TNFAIP8L3: variants seen among roughly 807,000 people sequenced by gnomAD.
TNFAIP8L3 encodes the protein tumor necrosis factor alpha-induced protein 8-like protein 3.
A neutral mutation model predicts 11.8 loss-of-function variants in TNFAIP8L3; 7 were observed. The observed-to-expected ratio is 0.59, with a 90% CI of 0.34 to 1.11. The LOEUF (loss-of-function observed/expected upper bound fraction) is 1.11. Ranked by LOEUF, TNFAIP8L3 falls within the 50% of genes most tolerant of loss-of-function variation. The pLI, the probability that TNFAIP8L3 is intolerant of heterozygous loss-of-function variation, is 0.03. For missense variants in TNFAIP8L3, 219 were observed against 258.6 expected (o/e 0.85, Z 1.05); for synonymous variants, 98 against 103.8 (o/e 0.94, Z 0.34).
At chr15:51,064,659 GT>G (rs1294437099) in intron 1 of TNFAIP8L3, 1 of 152,174 alleles carries the variant, frequency 6.6e-6, no homozygotes, top group African/African-American at 2.4e-5. Context: ...CATACATAAT[GT>G]TACAAATGAT....
At chr15:51,105,001 T>C in intron 1 of TNFAIP8L3, 1 of 1,614,180 alleles carries the variant, frequency 6.2e-7, no homozygotes, top group Non-Finnish European at 8.5e-7. Context: ...GAGCCAGTGC[T>C]GACCAAGTCC....
chr15:51,104,053 C>T (rs1480925872), intron 1 of TNFAIP8L3, among the ~76,000 whole-genome samples: 2 of 152,170 alleles, frequency 1.3e-5, no homozygotes, highest in East Asian at 3.9e-4. Flanking sequence ...GTCTTTCCAA[C>T]AATCACATCT....
chr15:51,093,534 C>T (rs1448818538), intron 1 of TNFAIP8L3, among the ~76,000 whole-genome samples: 1 of 152,182 alleles, frequency 6.6e-6, no homozygotes, highest in Non-Finnish European at 1.5e-5. Context: ...TTACTTGGTC[C>T]CCACCGTCAG....
chr15:51,077,020 G>A lies in TNFAIP8L3; in HGVS notation c.52+17524C>T, dbSNP rs73408564. On this transcript the variant is annotated intron_variant, in intron 1 of 1. Coordinates refer to ENST00000637513, the MANE Select transcript of TNFAIP8L3 (RefSeq NM_001311175.2). ...CCCCATTCTACTCCCGCCATTCTTC[G>A]TAAATGGAATCCTCCTGCTTCTTTC... Among the ~76,000 whole-genome samples the A allele has an allele frequency of 1.9e-3, 282 of 152,206 alleles. 2 individuals are homozygous for A. Among genetic ancestry groups the A allele is most frequent in the African/African-American group, 6.0e-3 (248 of 41,528 alleles).
At chr15:51,071,679 A>ACACACAACAGT in intron 1 of TNFAIP8L3, among the ~76,000 whole-genome samples, 1 of 152,260 alleles carries the variant, frequency 6.6e-6, no homozygotes, top group East Asian at 1.9e-4. Context: ...TTGTGCGCAC[A>ACACACAACAGT]CACACAACAG....
chr15:51,073,403 C>T (rs941860770), intron 1 of TNFAIP8L3, among the ~76,000 whole-genome samples: 1 of 152,210 alleles, frequency 6.6e-6, no homozygotes, highest in Non-Finnish European at 1.5e-5. Context: ...ACAGTCATCT[C>T]CATAAATCTC....
At position 51,094,616 on chromosome 15, in the gene TNFAIP8L3, C is replaced by CG; in HGVS notation, c.-22dup. The CG allele has an allele frequency of 6.8e-7, 1 of 1,462,486 alleles. No homozygotes were observed. Among genetic ancestry groups the CG allele is most frequent in the Non-Finnish European group, 9.0e-7 (1 of 1,109,882 alleles). The allele number at this position is 1,462,486 out of a possible 1,614,324, so 90.6% of individuals were successfully genotyped here. A position where few individuals can be genotyped will look rare whatever the true frequency, so the allele number is the denominator to read the frequency against. On this transcript the variant is annotated 5_prime_UTR_variant, in exon 1 of 2. Transcript: ENST00000637513. The surrounding 1 kb of genome is among the most constrained non-coding windows in gnomAD (Gnocchi z 4.4). ...TCCATGCTGCGGGCTGCTGGCTGGG[C>CG]GTCCACGGCCACCCGCCCGTCTGCG...
intron 1 of TNFAIP8L3, among the ~76,000 whole-genome samples, chr15:51,068,106 CG>C (rs1369553587): frequency 2.2e-4 from 33 of 152,276 alleles, no homozygotes; most frequent in African/African-American, 7.0e-4. Context: ...TTAAATGCCT[CG>C]TGTTTCTGAT....
Position 51,094,897 on chromosome 15 carries a change from A to T in TNFAIP8L3, c.-302T>A, listed in dbSNP as rs2065501222. Among the ~76,000 whole-genome samples the T allele has an allele frequency of 6.6e-6, 1 of 151,228 alleles. No individual in the cohort carries two copies. The highest frequency in any genetic ancestry group is 1.5e-5 in the Non-Finnish European group (1 of 67,788). Reference sequence around the variant, plus strand: ...GGAGGCGCGAGCGCCGAGGAGCCCGAGCGTCCGGCGCCCGGCGGGCTCCAG... The same window carrying T: ...GGAGGCGCGAGCGCCGAGGAGCCCGTGCGTCCGGCGCCCGGCGGGCTCCAG... On this transcript the variant is annotated 5_prime_UTR_variant, in exon 1 of 2. Transcript: ENST00000637513. This position sits in a 1 kb window ranked among gnomAD's most constrained non-coding sequence, Gnocchi z 4.4.
chr15:51,093,990 T>A (rs2065491462), intron 1 of TNFAIP8L3, among the ~76,000 whole-genome samples: 2 of 152,206 alleles, frequency 1.3e-5, no homozygotes, highest in African/African-American at 4.8e-5. Flanking sequence ...CTGGACCTTC[T>A]CCGCCGGCTG....
intron 1 of TNFAIP8L3, among the ~76,000 whole-genome samples, chr15:51,100,299 G>A (rs1291404775): frequency 1.3e-5 from 2 of 152,176 alleles, no homozygotes; most frequent in Admixed American, 6.5e-5. Flanking sequence ...TACCCAGTGA[G>A]CTTTGATTCA....
intron 1 of TNFAIP8L3, among the ~76,000 whole-genome samples, chr15:51,074,676 G>A (rs748130108): frequency 3.3e-5 from 5 of 152,150 alleles, no homozygotes; most frequent in African/African-American, 9.7e-5. Context: ...TGAAATAGTC[G>A]GGATGACAGC....
At chr15:51,079,017 A>C (rs966007351) in intron 1 of TNFAIP8L3, among the ~76,000 whole-genome samples, 1 of 152,170 alleles carries the variant, frequency 6.6e-6, no homozygotes, top group Non-Finnish European at 1.5e-5. Flanking sequence ...CCTCTAGAAA[A>C]GGCCTTGAGG....
At chr15:51,072,011 T>A (rs2065311984) in intron 1 of TNFAIP8L3, among the ~76,000 whole-genome samples, 1 of 152,238 alleles carries the variant, frequency 6.6e-6, no homozygotes, top group East Asian at 1.9e-4. Flanking sequence ...TCAGTTGAAT[T>A]ATATATATTT....
At chr15:51,083,686 T>C (rs1209288678) in intron 1 of TNFAIP8L3, among the ~76,000 whole-genome samples, 2 of 152,244 alleles carry the variant, frequency 1.3e-5, no homozygotes, top group Admixed American at 6.5e-5. Flanking sequence ...GTTCATGGCA[T>C]GGAGGCCCAC....
upstream of TNFAIP8L3, among the ~76,000 whole-genome samples, chr15:51,095,725 G>A (rs981632576): frequency 2.6e-5 from 4 of 151,854 alleles, no homozygotes; most frequent in Non-Finnish European, 4.4e-5. Context: ...ACGGAGCACC[G>A]AGGCCTTTTT....
intron 1 of TNFAIP8L3, among the ~76,000 whole-genome samples, chr15:51,101,615 C>G (rs2065551039): frequency 6.8e-6 from 1 of 146,770 alleles, no homozygotes; most frequent in Admixed American, 6.8e-5. Flanking sequence ...GAGCAAAACT[C>G]TGTCTCAAAC....
At chr15:51,091,046 C>A (rs2065465338) in intron 1 of TNFAIP8L3, among the ~76,000 whole-genome samples, 1 of 152,102 alleles carries the variant, frequency 6.6e-6, no homozygotes, top group Non-Finnish European at 1.5e-5. Flanking sequence ...GTGGGTTTGC[C>A]AAAGGAAAGA....
chr15:51,079,619 G>C (rs1303510700), intron 1 of TNFAIP8L3, among the ~76,000 whole-genome samples: 1 of 152,114 alleles, frequency 6.6e-6, no homozygotes, highest in African/African-American at 2.4e-5. Context: ...TCACTCACCA[G>C]GTTGCTCTGT....
Sources: gnomAD v4.1 joint callset for allele counts (sites outside exome capture counted in the v4.1 genomes callset) on GRCh38, gnomAD v4.1.1 for gene constraint, Gnocchi (gnomAD v3.1) non-coding constraint, MANE v1.5 for transcripts, NCBI Gene and HGNC (gene_info 2026-07-23, HGNC 2026-07-21) for gene names.